Variants in LIN9 observed in about 807,000 individuals in gnomAD.
The protein encoded by LIN9 is lin-9 DREAM MuvB core complex component, also known as protein lin-9 homolog.
LIN9 carries 18 observed loss-of-function variants against 78.0 expected under a neutral mutation model. The ratio of observed to expected loss-of-function variants is 0.23; its 90% CI spans 0.16 to 0.34. The LOEUF (loss-of-function observed/expected upper bound fraction) is 0.34. LIN9 is among the 10% of genes least tolerant of loss of function. The probability of loss-of-function intolerance (pLI) is 1.00; values close to 1 mark genes in which losing one functional copy is unlikely to be tolerated. For synonymous variants in LIN9, 192 were observed against 215.2 expected, an observed-to-expected ratio of 0.89 and a Z score of 0.94; for missense variants, 451 against 644.1, an observed-to-expected ratio of 0.70 and a Z score of 3.25.
intron 1 of LIN9, among the ~76,000 whole-genome samples, chr1:226,306,289 A>G (rs1426767690): frequency 6.6e-6 from 1 of 151,916 alleles, no homozygotes; most frequent in African/African-American, 2.4e-5. Flanking sequence ...CGCACACTGC[A>G]CTCCAGCCTA....
At chr1:226,300,540 G>C (rs756359982) in intron 2 of LIN9, among the ~76,000 whole-genome samples, 61 of 152,198 alleles carry the variant, frequency 4.0e-4, no homozygotes, top group Non-Finnish European at 7.1e-4. Flanking sequence ...GACAAAGCGA[G>C]ACCCTGTCTC....
intron 6 of LIN9, among the ~76,000 whole-genome samples, chr1:226,282,587 G>A (rs568960373): frequency 1.2e-4 from 19 of 152,282 alleles, no homozygotes; most frequent in African/African-American, 3.6e-4. Flanking sequence ...TTGGGAGGCC[G>A]AGGCGGGCAG....
In LIN9 at chr1:226,245,993, G is replaced by A. The variant is rs147369458; in HGVS notation, c.1119+4846C>T. Reference sequence around the variant, plus strand: ...ATGTCATCCATCTTTGATTTATCTAGGCCTATATGTATATACACCCCTACC... The same window carrying A: ...ATGTCATCCATCTTTGATTTATCTAAGCCTATATGTATATACACCCCTACC... On this transcript the variant is annotated intron_variant, in intron 11 of 14. Transcript: ENST00000681046. 3.9e-4 allele frequency among the ~76,000 whole-genome samples: 59 copies of A among 152,162 alleles called. 3 individuals are homozygous for A. In the East Asian group the frequency reaches 9.3e-3, roughly 24 times the overall value.
intron 1 of LIN9, among the ~76,000 whole-genome samples, chr1:226,306,476 T>C: frequency 6.6e-6 from 1 of 152,144 alleles, no homozygotes; most frequent in East Asian, 1.9e-4. Flanking sequence ...CTGTGCAGTT[T>C]GAGGGGCCTT....
chr1:226,296,399 A>C (rs1662150075), intron 3 of LIN9, among the ~76,000 whole-genome samples: 1 of 152,198 alleles, frequency 6.6e-6, no homozygotes. Flanking sequence ...ATTATACTCT[A>C]TCTGCTGTCA....
intron 1 of LIN9, among the ~76,000 whole-genome samples, chr1:226,304,905 G>T (rs1662804927): frequency 6.6e-6 from 1 of 152,120 alleles, no homozygotes; most frequent in South Asian, 2.1e-4. Context: ...AAGATTTAAA[G>T]AATATGGGCC....
chr1:226,245,702 A>T (rs956088249), intron 11 of LIN9, among the ~76,000 whole-genome samples: 1 of 151,228 alleles, frequency 6.6e-6, no homozygotes, highest in Non-Finnish European at 1.5e-5. Context: ...GGTTCAAGTG[A>T]TTCTCCTGCC....
At chr1:226,262,645 C>T (rs1659662010) in intron 10 of LIN9, among the ~76,000 whole-genome samples, 1 of 152,154 alleles carries the variant, frequency 6.6e-6, no homozygotes, top group Non-Finnish European at 1.5e-5. Flanking sequence ...CAAATGCTAA[C>T]GAGGATGTGG....
chr1:226,283,722 C>T (rs1430611958), intron 6 of LIN9, among the ~76,000 whole-genome samples: 2 of 152,046 alleles, frequency 1.3e-5, no homozygotes, highest in East Asian at 1.9e-4. Flanking sequence ...CCGGGGCAGG[C>T]GGATTGCCTG....
chr1:226,287,907 G>GTTCACTGA, intron 4 of LIN9, 110 bp from the exon 5 acceptor site: 1 of 711,290 alleles, frequency 1.4e-6, no homozygotes, highest in East Asian at 3.0e-5. Flanking sequence ...ACTTAAAAAG[G>GTTCACTGA]TTCACTGATT....
chr1:226,298,691 C>A (rs1346916810), intron 2 of LIN9, among the ~76,000 whole-genome samples: 1 of 151,976 alleles, frequency 6.6e-6, no homozygotes, highest in Non-Finnish European at 1.5e-5. Flanking sequence ...TGAAACGCCA[C>A]CTCTACAAAA....
chr1:226,261,718 TCAATA>T (rs936630700), intron 10 of LIN9, among the ~76,000 whole-genome samples: 19 of 152,162 alleles, frequency 1.2e-4, no homozygotes, highest in African/African-American at 4.6e-4. Flanking sequence ...TAAATTCAAT[TCAATA>T]CAAGTCAAAA....
intron 12 of LIN9, among the ~76,000 whole-genome samples, chr1:226,237,275 C>T (rs1657778668): frequency 6.6e-6 from 1 of 152,134 alleles, no homozygotes; most frequent in Non-Finnish European, 1.5e-5. Context: ...AATCTATTTA[C>T]TAATACAATG....
rs1659828718 is a variant in LIN9, at chr1:226,265,102, G to A, written c.1038+431C>T. 3.3e-5 allele frequency among the ~76,000 whole-genome samples: 5 copies of A among 152,138 alleles called. No individual in the cohort carries two copies. In the South Asian group the frequency reaches 1.0e-3, roughly 32 times the overall value. ...TGTCTAATCACTAAGTACTTAGCAGGTGAATACCTGTTTCTAGTCTCTGAA... is the reference window on the plus strand; with the variant it reads ...TGTCTAATCACTAAGTACTTAGCAGATGAATACCTGTTTCTAGTCTCTGAA... On this transcript the variant is annotated intron_variant, in intron 10 of 14. Transcript: ENST00000681046. This position sits in a 1 kb window ranked among gnomAD's most constrained non-coding sequence, Gnocchi z 4.1.
chr1:226,246,792 C>CA (rs34407541), intron 11 of LIN9, among the ~76,000 whole-genome samples: 181 of 77,908 alleles, frequency 2.3e-3, no homozygotes, highest in East Asian at 5.2e-3. Context: ...GACTCTGTCT[C>CA]AAAAAAAAAA....
chr1:226,253,296 G>C (rs943123226), intron 10 of LIN9, among the ~76,000 whole-genome samples: 2 of 148,250 alleles, frequency 1.3e-5, no homozygotes, highest in Non-Finnish European at 1.5e-5. Context: ...AAGAAAGAAA[G>C]AAAAAAATGT....
At position 226,232,323 on chromosome 1, in the gene LIN9, T is replaced by C. The variant is rs1657388602; in HGVS notation, c.*178A>G. 3 of 417,490 alleles carry C rather than the reference T, an allele frequency of 7.2e-6. No individual in the cohort carries two copies. The highest frequency in any genetic ancestry group is 1.3e-5 in the Non-Finnish European group (3 of 236,398). 25.9% of individuals were successfully genotyped at this position (417,490 alleles called of 1,614,324 possible). A position where few individuals can be genotyped will look rare whatever the true frequency, so the allele number is the denominator to read the frequency against. The stretch of plus-strand genomic sequence containing the variant: ...CTGAATAATAAAAGAAAAATAAATA[T>C]AATGCTGGTCAGCAATGCTGGTTTA... On this transcript the variant is annotated 3_prime_UTR_variant, in exon 15 of 15. Transcript: ENST00000681046.
chr1:226,247,676 T>TTC (rs908306771), intron 11 of LIN9, among the ~76,000 whole-genome samples: 4 of 146,162 alleles, frequency 2.7e-5, no homozygotes, highest in African/African-American at 9.9e-5. Flanking sequence ...TTTTCTTTCT[T>TTC]TTTTTTTTTT....
Position 226,286,323 on chromosome 1 carries a change from T to C in LIN9, c.524+10A>G. ...TTTATTTTAAACAAAAACAAAAACA[T>C]TATTTTTACCTCCGTGGTTTTCCCA... On this transcript the variant is annotated intron_variant, in intron 6 of 14. Transcript: ENST00000681046. 2 of 1,602,302 alleles carry C rather than the reference T, an allele frequency of 1.2e-6. No homozygotes were observed. The highest frequency in any genetic ancestry group is 2.7e-5 in the African/African-American group (2 of 73,992).
Sources: allele counts gnomAD v4.1 joint callset (sites outside exome capture counted in the v4.1 genomes callset), GRCh38; gene constraint gnomAD v4.1.1; non-coding constraint Gnocchi (gnomAD v3.1); transcripts MANE v1.5; gene names NCBI Gene and HGNC (gene_info 2026-07-23, HGNC 2026-07-21).